Variants in LRP1B observed in about 807,000 individuals in gnomAD.
LRP1B encodes low-density lipoprotein receptor-related protein 1B.
In LRP1B, 217 loss-of-function variants were observed where a neutral mutation model predicts 556.6. That is an observed-to-expected ratio of 0.39 (90% confidence interval 0.35 to 0.44). LRP1B has a LOEUF of 0.44. Among genes scored for constraint, LRP1B ranks in the 20% least tolerant of loss-of-function variants. The pLI is 1.00. For missense variants in LRP1B, 5,053 were observed against 5,620.8 expected (o/e 0.90, Z 3.23); for synonymous variants, 2,047 against 1,865.8 (o/e 1.10, Z -2.50).
intron 29 of LRP1B, among the ~76,000 whole-genome samples, chr2:140,847,837 C>A (rs184244494): frequency 1.3e-5 from 2 of 151,396 alleles, no homozygotes; most frequent in South Asian, 2.1e-4. Flanking sequence ...AATTATTGCT[C>A]CTAATGAGTA....
In LRP1B at chr2:141,191,336, C is replaced by T. The variant is rs564984459; in HGVS notation, c.851-2753G>A. On this transcript the variant is annotated intron_variant, in intron 6 of 90. Transcript: ENST00000389484. Reference sequence around the variant, plus strand: ...AGGTCAAAATTATATTTTTTCCTCCCCTAAAAGAGTTTCCTTCTGCAATCT... The same window carrying T: ...AGGTCAAAATTATATTTTTTCCTCCTCTAAAAGAGTTTCCTTCTGCAATCT... Among the ~76,000 whole-genome samples, 89 of 151,988 alleles carry T rather than the reference C, an allele frequency of 5.9e-4. No individual in the cohort carries two copies. The Middle Eastern group carries it at 0.014, about 23-fold the overall frequency.
intron 2 of LRP1B, among the ~76,000 whole-genome samples, chr2:141,707,587 A>T (rs571955019): frequency 1.3e-5 from 2 of 152,262 alleles, no homozygotes; most frequent in East Asian, 3.9e-4. Flanking sequence ...GTGAAATGCT[A>T]GTTGTGTCTG....
chr2:142,116,659 T>C (rs1267464627), intron 1 of LRP1B, among the ~76,000 whole-genome samples: 1 of 152,208 alleles, frequency 6.6e-6, no homozygotes, highest in African/African-American at 2.4e-5. Flanking sequence ...ATTATGTTAG[T>C]ATCTGGGGAA....
At chr2:141,603,048 A>G (rs938573921) in intron 2 of LRP1B, among the ~76,000 whole-genome samples, 13 of 152,206 alleles carry the variant, frequency 8.5e-5, no homozygotes, top group African/African-American at 2.9e-4. Context: ...TCTTTTCCTC[A>G]TAAAAGACAC....
chr2:142,082,169 T>G (rs1478334813), intron 1 of LRP1B, among the ~76,000 whole-genome samples: 1 of 152,158 alleles, frequency 6.6e-6, no homozygotes, highest in Non-Finnish European at 1.5e-5. Flanking sequence ...CAAGAAATAT[T>G]GAAGAAAATA....
At chr2:141,315,443 T>C (rs536096679) in intron 3 of LRP1B, among the ~76,000 whole-genome samples, 2 of 151,744 alleles carry the variant, frequency 1.3e-5, no homozygotes, top group South Asian at 4.2e-4. Flanking sequence ...GTATTTTTAG[T>C]AGAGACAGGG....
At chr2:141,659,355 ATGAG>A (rs1690128281) in intron 2 of LRP1B, among the ~76,000 whole-genome samples, 1 of 152,216 alleles carries the variant, frequency 6.6e-6, no homozygotes, top group Non-Finnish European at 1.5e-5. Flanking sequence ...AAATATGTAA[ATGAG>A]TGAGTACAGC....
intron 1 of LRP1B, among the ~76,000 whole-genome samples, chr2:141,879,801 A>G (rs1030840806): frequency 3.3e-5 from 5 of 152,054 alleles, no homozygotes; most frequent in Non-Finnish European, 5.9e-5. Flanking sequence ...TATAATTAGC[A>G]GAGATAAAGG....
intron 37 of LRP1B, 61 bp from the exon 38 acceptor site, chr2:140,702,614 T>C: frequency 6.6e-7 from 1 of 1,505,308 alleles, no homozygotes; most frequent in Admixed American, 1.8e-5. Flanking sequence ...TGCAGAGCTA[T>C]GCAAAAAGAC....
intron 59 of LRP1B, among the ~76,000 whole-genome samples, chr2:140,480,128 A>G (rs993379537): frequency 6.6e-6 from 1 of 152,220 alleles, no homozygotes; most frequent in Non-Finnish European, 1.5e-5. Flanking sequence ...GGAGAGAAAG[A>G]CATTTCAGCT....
At chr2:140,328,252 A>C (rs1680599917) in intron 79 of LRP1B, among the ~76,000 whole-genome samples, 1 of 152,024 alleles carries the variant, frequency 6.6e-6, no homozygotes, top group South Asian at 2.1e-4. Context: ...AATTAAGTAT[A>C]ATAGAATCAC....
At chr2:141,810,135 AAG>A (rs1411347568) in intron 2 of LRP1B, 142 bp downstream of exon 2, 1 of 465,706 alleles carries the variant, frequency 2.1e-6, no homozygotes, top group Admixed American at 4.1e-5. Context: ...GAAAGAAAGA[AAG>A]AAAGAAAGAA....
rs576307737 is a variant in LRP1B at position 141,286,626 on chromosome 2, T to G, written c.344-31985A>C. 4.3e-3 allele frequency: 1,103 copies of G among 258,074 alleles called. 9 individuals carry two copies. The highest frequency in any genetic ancestry group is 7.3e-3 in the Non-Finnish European group (870 of 119,454). The allele number at this position is 258,074 out of a possible 1,614,324, so 16.0% of individuals were successfully genotyped here. ...TTGGGAAGATCTGAAATAACAAATT[T>G]AACATCTTTAATCGATACAAGAGAG... On this transcript the variant is annotated intron_variant, in intron 3 of 90. Coordinates refer to ENST00000389484, the MANE Select transcript of LRP1B (RefSeq NM_018557.3).
chr2:140,676,284 T>C (rs1685668940), intron 41 of LRP1B, among the ~76,000 whole-genome samples: 1 of 152,152 alleles, frequency 6.6e-6, no homozygotes, highest in Admixed American at 6.5e-5. Context: ...ATAAATAAGA[T>C]AACAGTGCAT....
intron 41 of LRP1B, among the ~76,000 whole-genome samples, chr2:140,619,896 A>G (rs1433752443): frequency 6.6e-6 from 1 of 152,056 alleles, no homozygotes; most frequent in African/African-American, 2.4e-5. Flanking sequence ...TCAAACAAAT[A>G]TGATAGATTC....
At chr2:140,769,467 C>A (rs1225573915) in intron 34 of LRP1B, 123 bp from the exon 35 acceptor site, 6 of 1,037,894 alleles carry the variant, frequency 5.8e-6, no homozygotes, top group Non-Finnish European at 7.9e-6. Flanking sequence ...TATTTCCTGG[C>A]CTTTTAAAAA....
At chr2:141,635,270 A>G (rs1689073337) in intron 2 of LRP1B, among the ~76,000 whole-genome samples, 1 of 152,132 alleles carries the variant, frequency 6.6e-6, no homozygotes, top group Non-Finnish European at 1.5e-5. Context: ...TATTTAGAGA[A>G]AACCATATTC....
At chr2:141,937,666 TAA>T (rs1207820305) in intron 1 of LRP1B, among the ~76,000 whole-genome samples, 3 of 144,458 alleles carry the variant, frequency 2.1e-5, no homozygotes, top group Non-Finnish European at 4.6e-5. Flanking sequence ...GCACCTAAAT[TAA>T]AAAAAAAAAA....
At chr2:140,715,864 ATTC>A (rs1247840086) in intron 37 of LRP1B, 106 bp downstream of exon 37, 11 of 851,224 alleles carry the variant, frequency 1.3e-5, no homozygotes, top group Non-Finnish European at 1.0e-5. Flanking sequence ...TAGGTAAGAT[ATTC>A]TTGATTTTGT....
Sources: allele counts gnomAD v4.1 joint callset (sites outside exome capture counted in the v4.1 genomes callset), GRCh38; gene constraint gnomAD v4.1.1; transcripts MANE v1.5; gene names NCBI Gene and HGNC (gene_info 2026-07-23, HGNC 2026-07-21).